The following SARS2 variants were observed in gnomAD, a reference collection of about 807,000 sequenced individuals.
The protein encoded by SARS2 is serine--tRNA ligase, mitochondrial.
Under a neutral mutation model 66.8 loss-of-function variants are expected in SARS2, and 52 were observed. The observed-to-expected ratio is 0.78, with a 90% CI of 0.62 to 0.98. The LOEUF (loss-of-function observed/expected upper bound fraction) is 0.98, where lower values mean the gene tolerates loss of function less well. Ranked by LOEUF, SARS2 falls within the 50% of genes least tolerant of loss-of-function variation. SARS2 has a pLI of 0.00. For synonymous variants in SARS2, 306 were observed against 281.4 expected, an observed-to-expected ratio of 1.09 and a Z score of -0.87; for missense variants, 673 against 706.3, an observed-to-expected ratio of 0.95 and a Z score of 0.53.
chr19:38,923,829 C>G (rs1974582909), intron 2 of SARS2, among the ~76,000 whole-genome samples: 1 of 152,058 alleles, frequency 6.6e-6, no homozygotes, highest in Non-Finnish European at 1.5e-5. Flanking sequence ...AAAAAATTAG[C>G]TGGGCGCGGT....
chr19:38,920,837 A>G (rs947532742), intron 5 of SARS2, among the ~76,000 whole-genome samples: 18 of 151,854 alleles, frequency 1.2e-4, no homozygotes, highest in Non-Finnish European at 2.9e-5. Flanking sequence ...ACACAGACAC[A>G]GAGAAAGACA....
rs757162507 is a variant in SARS2, at chr19:38,930,445, C to T, written c.267+25G>A. ...CTTCCGTAAAGCAAACGTCTGCGCC[C>T]CCCGGCCGGCGCAGGCGCACTCACG... is the stretch of plus-strand genomic sequence containing the variant. On this transcript the variant is annotated intron_variant, in intron 1 of 15. Coordinates refer to ENST00000221431, the MANE Select transcript of SARS2 (RefSeq NM_017827.4). The T allele has an allele frequency of 8.9e-6, 14 of 1,580,368 alleles. No homozygotes were observed. In the African/African-American group the frequency reaches 1.8e-4, roughly 20 times the overall value.
intron 1 of SARS2, among the ~76,000 whole-genome samples, chr19:38,928,883 C>T (rs1296380942): frequency 2.0e-5 from 3 of 152,124 alleles, no homozygotes; most frequent in East Asian, 3.9e-4. Flanking sequence ...GTCAAATTTA[C>T]CAGAAATTGT....
chr19:38,916,577 T>C (rs1215112048), intron 12 of SARS2, among the ~76,000 whole-genome samples: 1 of 142,460 alleles, frequency 7.0e-6, no homozygotes, highest in African/African-American at 2.5e-5. Flanking sequence ...ACAAAAGAGG[T>C]TGATGGGAGG....
intron 2 of SARS2, among the ~76,000 whole-genome samples, chr19:38,925,479 A>C (rs531319375): frequency 2.6e-5 from 4 of 152,174 alleles, no homozygotes; most frequent in African/African-American, 9.6e-5. Context: ...TCCGGCTGAC[A>C]ACTGGAGTGT....
chr19:38,930,355 G>A lies in SARS2; in HGVS notation c.267+115C>T, dbSNP rs1974712366. 3.7e-6 allele frequency: 5 copies of A among 1,360,684 alleles called. No individual in the cohort carries two copies. The South Asian group carries it at 5.7e-5, about 15-fold the overall frequency. The allele number at this position is 1,360,684 out of a possible 1,614,324, so 84.3% of individuals were successfully genotyped here. On this transcript the variant is annotated intron_variant, in intron 1 of 15. Coordinates refer to ENST00000221431, the MANE Select transcript of SARS2 (RefSeq NM_017827.4). Reference sequence around the variant, plus strand: ...CCATGCACAAGACGTTGGCTAACTTGGGAAATAACTAAAATTCCTACTACA... The same window carrying A: ...CCATGCACAAGACGTTGGCTAACTTAGGAAATAACTAAAATTCCTACTACA...
At chr19:38,925,720 C>T (rs1974615050) in intron 2 of SARS2, among the ~76,000 whole-genome samples, 1 of 152,154 alleles carries the variant, frequency 6.6e-6, no homozygotes, top group Admixed American at 6.5e-5. Flanking sequence ...AGGACCTGGG[C>T]TGGGGATGCT....
At chr19:38,921,097 GAC>G (rs1181368769) in intron 5 of SARS2, among the ~76,000 whole-genome samples, 2 of 129,398 alleles carry the variant, frequency 1.5e-5, no homozygotes, top group Non-Finnish European at 3.3e-5. Context: ...AGACACACAT[GAC>G]ACACAGTCAC....
chr19:38,920,672 G>C (rs1974505298), intron 5 of SARS2, among the ~76,000 whole-genome samples: 1 of 150,412 alleles, frequency 6.6e-6, no homozygotes, highest in Non-Finnish European at 1.5e-5. Context: ...CGCAGAGACA[G>C]ACACACAGAT....
Position 38,921,633 on chromosome 19 carries a change from C to T in SARS2, c.428G>A (p.Arg143Gln), listed in dbSNP as rs780832173. 8.7e-5 allele frequency: 140 copies of T among 1,614,100 alleles called. No individual in the cohort carries two copies. Among genetic ancestry groups the T allele is most frequent in the South Asian group, 3.1e-4 (28 of 91,084 alleles). The change falls in exon 4 of 16, where the codon CGG (arginine) becomes CAG (glutamine). Residue 143 changes from arginine to glutamine, a missense_variant. Arg to Gln is a conservative substitution (Grantham distance 43). Transcript: ENST00000221431. ...GTGAACAAGCTCCTTCCGGATCTCC[C>T]GGCCACGTGCCCGCAGACCCTGGTA... Reference protein sequence around the residue: ...PKYQGLRARGREIRKELVHLY... With the variant: ...PKYQGLRARGQEIRKELVHLY...
intron 3 of SARS2, 119 bp downstream of exon 3, chr19:38,922,119 T>A: frequency 1.2e-6 from 2 of 1,606,676 alleles, no homozygotes; most frequent in Non-Finnish European, 1.7e-6. Flanking sequence ...AGAGCCTATT[T>A]TTTTTTTCCC....
At chr19:38,921,339 A>G in intron 5 of SARS2, 53 bp downstream of exon 5, 1 of 1,595,146 alleles carries the variant, frequency 6.3e-7, no homozygotes. Flanking sequence ...CCGAGACCCC[A>G]GAACCCCCAC....
At position 38,918,806 on chromosome 19, in the gene SARS2, G is replaced by C; in HGVS notation, c.767C>G (p.Thr256Ser). 6.4e-7 allele frequency: 1 copy of C among 1,560,544 alleles called. No homozygotes were observed. Among genetic ancestry groups the C allele is most frequent in the Non-Finnish European group, 8.7e-7 (1 of 1,151,432 alleles). Residue 256 changes from threonine (T) to serine (S), a missense_variant, in exon 8 of 16, where the codon ACC (threonine) becomes AGC (serine). Physicochemically the swap from Thr to Ser is moderately conservative, Grantham distance 58. Coordinates refer to ENST00000221431, the MANE Select transcript of SARS2 (RefSeq NM_017827.4). ...GAGAAGGTCTGGCACCGTCATGGGG[G>C]TGAAGCCCTGTTCAGGGGAGAGGAT... ...TFNKLLRRGFTPMTVPDLLRG... is the reference protein window; with the variant it reads ...TFNKLLRRGFSPMTVPDLLRG...
At chr19:38,922,020 C>A in intron 3 of SARS2, 1 of 1,552,772 alleles carries the variant, frequency 6.4e-7, no homozygotes, top group Non-Finnish European at 8.7e-7. Context: ...AGAAAGCTGG[C>A]CTGGGAATGG....
rs377287317 is a variant in SARS2, at chr19:38,918,477, G to A, written c.861C>T (p.Asp287=). The stretch of plus-strand genomic sequence containing the variant: ...GGTTGAGATCTTTGAAGCGGGCAGG[G>A]TCGATGTTGTAAATTTGGGATGGGT... ...NANPSQIYNI[D]PARFKDLNLA... The change falls in exon 9 of 16, where the codon GAC becomes GAT. Residue 287 remains aspartate, a synonymous_variant. Transcript: ENST00000221431. The A allele has an allele frequency of 6.8e-6, 11 of 1,614,102 alleles. No individual in the cohort carries two copies. Among genetic ancestry groups the A allele is most frequent in the South Asian group, 1.1e-5 (1 of 91,092 alleles).
intron 1 of SARS2, among the ~76,000 whole-genome samples, chr19:38,927,350 T>G (rs1487756951): frequency 5.3e-5 from 8 of 150,076 alleles, no homozygotes; most frequent in African/African-American, 1.5e-4. Context: ...AGGTGGATCA[T>G]TTGAGCCCAG....
At chr19:38,922,373 C>T (rs1202615597) in intron 2 of SARS2, 106 bp from the exon 3 acceptor site, 11 of 1,061,454 alleles carry the variant, frequency 1.0e-5, no homozygotes, top group Non-Finnish European at 1.6e-5. Context: ...TAGTCTCCTG[C>T]TCTGTCAGTG....
At chr19:38,922,403 A>C (rs1285899138) in intron 2 of SARS2, 136 bp from the exon 3 acceptor site, 2 of 813,758 alleles carry the variant, frequency 2.5e-6, no homozygotes, top group Non-Finnish European at 2.1e-6. Flanking sequence ...GTCCCTCTGC[A>C]ACTCTGTGTT....
chr19:38,922,467 C>T (rs115088167), intron 2 of SARS2, among the ~76,000 whole-genome samples, 200 bp from the exon 3 acceptor site: 20 of 152,328 alleles, frequency 1.3e-4, no homozygotes, highest in African/African-American at 4.8e-4. Flanking sequence ...ACAGTAATCA[C>T]AGCCGCAGAT....
Sources: gnomAD v4.1 joint callset for allele counts (sites outside exome capture counted in the v4.1 genomes callset) on GRCh38, gnomAD v4.1.1 for gene constraint, MANE v1.5 for transcripts, NCBI Gene and HGNC (gene_info 2026-07-23, HGNC 2026-07-21) for gene names.